Variants in OTC observed in about 807,000 individuals in gnomAD.
OTC encodes ornithine transcarbamylase, also known as ornithine transcarbamylase, mitochondrial.
Under a neutral mutation model 30.3 loss-of-function variants are expected in OTC, and 3 were observed. The observed-to-expected ratio is 0.10, with a 90% CI of 0.05 to 0.26. The LOEUF (loss-of-function observed/expected upper bound fraction) is 0.26. OTC is among the 10% of genes least tolerant of loss of function. The pLI, the probability that OTC is intolerant of heterozygous loss-of-function variation, is 1.00. For missense variants in OTC, 194 were observed against 260.3 expected (o/e 0.75, Z 1.75); for synonymous variants, 111 against 99.7 (o/e 1.11, Z -0.67).
the OTC span, among the ~76,000 whole-genome samples, chrX:38,329,796 A>G: frequency 9.0e-6 from 1 of 111,612 alleles, no homozygotes; most frequent in Non-Finnish European, 1.9e-5. Flanking sequence ...GTTCATTTAC[A>G]TAGTAACCAA....
chrX:38,369,209 T>G (rs1015947627), intron 2 of OTC, among the ~76,000 whole-genome samples: 18 of 111,920 alleles, frequency 1.6e-4, no homozygotes, highest in African/African-American at 5.8e-4. Flanking sequence ...GGTTCCAGTA[T>G]GAAATACTAA....
chrX:38,355,362 T>G (rs765932703), intron 1 of OTC, among the ~76,000 whole-genome samples: 1 of 112,018 alleles, frequency 8.9e-6, no homozygotes, highest in Admixed American at 9.4e-5. Flanking sequence ...TTGTTGCCTA[T>G]TAGGGAAACC....
chrX:38,342,956 C>T, the OTC span, among the ~76,000 whole-genome samples: 1 of 111,715 alleles, frequency 9.0e-6, no homozygotes, highest in Non-Finnish European at 1.9e-5. Context: ...AGATATAGCC[C>T]AATAAAGCAA....
At chrX:38,340,708 T>C in the OTC span, among the ~76,000 whole-genome samples, 1 of 110,616 alleles carries the variant, frequency 9.0e-6, no homozygotes, top group Non-Finnish European at 1.9e-5. Flanking sequence ...AAGTAAGGCC[T>C]CCTTTGTGCC....
the OTC span, among the ~76,000 whole-genome samples, chrX:38,338,225 C>A: frequency 2.7e-5 from 3 of 112,236 alleles, no homozygotes; most frequent in Non-Finnish European, 5.6e-5. Flanking sequence ...TCTGCTGAGG[C>A]AAATGACTTT....
intron 3 of OTC, chrX:38,373,654 C>G (rs1341895023): frequency 1.8e-5 from 2 of 111,717 alleles, no homozygotes; most frequent in Admixed American, 1.9e-4. Context: ...TACAAAGATG[C>G]CAATGTAAAA....
intron 4 of OTC, chrX:38,395,896 C>T (rs777748123): frequency 9.0e-6 from 1 of 111,248 alleles, no homozygotes; most frequent in East Asian, 2.8e-4. Context: ...AAATTACACT[C>T]CGTCATTGTC....
chrX:38,346,772 A>C, the OTC span, among the ~76,000 whole-genome samples: 1 of 112,341 alleles, frequency 8.9e-6, no homozygotes. Context: ...GGAGAAGATC[A>C]ATATACCAGG....
chrX:38,386,360 G>A (rs1243394248), intron 4 of OTC, among the ~76,000 whole-genome samples: 3 of 79,108 alleles, frequency 3.8e-5, no homozygotes, highest in Non-Finnish European at 7.4e-5. Flanking sequence ...GTGACAGAGT[G>A]AGACTCCATC....
At chrX:38,373,051 G>A (rs1008223182) in intron 3 of OTC, among the ~76,000 whole-genome samples, 4 of 112,046 alleles carry the variant, frequency 3.6e-5, no homozygotes, top group Non-Finnish European at 7.5e-5. Flanking sequence ...TTATTAAAGT[G>A]TAACACACAA....
At chrX:38,332,049 A>G in the OTC span, among the ~76,000 whole-genome samples, 7 of 110,340 alleles carry the variant, frequency 6.3e-5, no homozygotes, top group African/African-American at 2.3e-4. Flanking sequence ...CCCCTGTCAG[A>G]TCAGTGGCAG....
At chrX:38,331,690 C>T in the OTC span, among the ~76,000 whole-genome samples, 1 of 109,839 alleles carries the variant, frequency 9.1e-6, no homozygotes, top group African/African-American at 3.3e-5. Context: ...TCAACCAGTC[C>T]TCCCATCTCA....
intron 9 of OTC, among the ~76,000 whole-genome samples, chrX:38,416,269 C>T (rs2068570694): frequency 9.0e-6 from 1 of 111,590 alleles, no homozygotes; most frequent in South Asian, 3.8e-4. Context: ...TCCAGTAGTG[C>T]TGTTCAGAAC....
At chrX:38,340,459 G>GTTTTT in the OTC span, among the ~76,000 whole-genome samples, 58 of 60,431 alleles carry the variant, frequency 9.6e-4, no homozygotes, top group Non-Finnish European at 1.2e-3. Flanking sequence ...TTGTTTTTTT[G>GTTTTT]TTTTTTTTTT....
At chrX:38,333,276 T>G in the OTC span, among the ~76,000 whole-genome samples, 1 of 110,398 alleles carries the variant, frequency 9.1e-6, no homozygotes, top group Non-Finnish European at 1.9e-5. Flanking sequence ...AACATGTTTT[T>G]CCTTCTCACA....
upstream of OTC, among the ~76,000 whole-genome samples, chrX:38,349,896 G>A (rs1313096382): frequency 9.0e-6 from 1 of 111,575 alleles, no homozygotes; most frequent in East Asian, 2.8e-4. Context: ...CATTTCAATG[G>A]CCAATGATGG....
chrX:38,334,247 A>AACTGGCATGCAGAG, the OTC span, among the ~76,000 whole-genome samples: 1,954 of 112,196 alleles, frequency 0.017, 40 homozygotes, highest in African/African-American at 0.06. Context: ...CAGAAGAGAA[A>AACTGGCATGCAGAG]AAGTTAAGTT....
chrX:38,371,819 A>T (rs1200236001), intron 3 of OTC, among the ~76,000 whole-genome samples: 1 of 112,394 alleles, frequency 8.9e-6, no homozygotes, highest in Non-Finnish European at 1.9e-5. Context: ...GCTGTAAGAG[A>T]TCATGTTGAT....
At chrX:38,401,564 G>C in intron 5 of OTC, 136 bp downstream of exon 5, 1 of 536,651 alleles carries the variant, frequency 1.9e-6, no homozygotes, top group South Asian at 2.6e-5. Flanking sequence ...TACAGCTTGT[G>C]TGTGCATTTT....
Sources: gnomAD v4.1 joint callset for allele counts (sites outside exome capture counted in the v4.1 genomes callset) on GRCh38, gnomAD v4.1.1 for gene constraint, MANE v1.5 for transcripts, NCBI Gene and HGNC (gene_info 2026-07-23, HGNC 2026-07-21) for gene names.